CPA4: variants seen among roughly 807,000 people sequenced by gnomAD.
The protein encoded by CPA4 is carboxypeptidase A3.
Under a neutral mutation model 54.7 loss-of-function variants are expected in CPA4, and 49 were observed. That is an observed-to-expected ratio of 0.90 (90% CI 0.71 to 1.14). CPA4 has a LOEUF of 1.14. Ranked by LOEUF, CPA4 falls within the 50% of genes most tolerant of loss-of-function variation. CPA4 has a pLI of 0.00. For synonymous variants in CPA4, 215 were observed against 206.8 expected (o/e 1.04, Z -0.34); for missense variants, 487 against 525.1 (o/e 0.93, Z 0.71).
At chr7:130,298,979 T>C in intron 2 of CPA4, 152 bp downstream of exon 2, 1 of 636,968 alleles carries the variant, frequency 1.6e-6, no homozygotes, top group Non-Finnish European at 2.8e-6. Flanking sequence ...AGGGGGCTGA[T>C]GGGAGAGAGG....
chr7:130,314,779 T>G (rs1434215679), intron 10 of CPA4, among the ~76,000 whole-genome samples: 1 of 152,218 alleles, frequency 6.6e-6, no homozygotes, highest in Non-Finnish European at 1.5e-5. Context: ...GTTCAGGATG[T>G]ATAATGGGAA....
At chr7:130,312,245 G>A in intron 10 of CPA4, 123 bp downstream of exon 10, 1 of 707,748 alleles carries the variant, frequency 1.4e-6, no homozygotes, top group Non-Finnish European at 2.5e-6. Flanking sequence ...GTTGGTAATA[G>A]ACTGAACTAC....
chr7:130,297,985 G>C (rs1793675890), intron 1 of CPA4, among the ~76,000 whole-genome samples: 1 of 152,194 alleles, frequency 6.6e-6, no homozygotes, highest in Non-Finnish European at 1.5e-5. Flanking sequence ...AAACGACAAA[G>C]GGGACTGAGA....
At chr7:130,315,979 G>A (rs966514394) in intron 10 of CPA4, among the ~76,000 whole-genome samples, 5 of 152,116 alleles carry the variant, frequency 3.3e-5, no homozygotes, top group African/African-American at 1.2e-4. Context: ...TCAGGGTTAG[G>A]TGGGACTAAT....
At chr7:130,307,650 G>T (rs1212785149) in intron 7 of CPA4, among the ~76,000 whole-genome samples, 1 of 129,840 alleles carries the variant, frequency 7.7e-6, no homozygotes, top group East Asian at 2.4e-4. Flanking sequence ...AAAAAAAAAA[G>T]TGTTTTTAAG....
At chr7:130,311,393 G>A (rs1021705032) in intron 9 of CPA4, among the ~76,000 whole-genome samples, 2 of 152,274 alleles carry the variant, frequency 1.3e-5, no homozygotes, top group Admixed American at 1.3e-4. Context: ...CAGAACGTGG[G>A]CCATCAGGAG....
chr7:130,301,613 T>G (rs886298169), intron 4 of CPA4, among the ~76,000 whole-genome samples: 1 of 152,158 alleles, frequency 6.6e-6, no homozygotes, highest in Non-Finnish European at 1.5e-5. Flanking sequence ...TAAATTAGTA[T>G]TCCCCCTGGT....
Position 130,310,909 on chromosome 7 carries a change from G to A in CPA4, c.916G>A (p.Asp306Asn), listed in dbSNP as rs781426403. The A allele has an allele frequency of 2.5e-6, 4 of 1,614,092 alleles. No homozygotes were observed. Among genetic ancestry groups the A allele is most frequent in the East Asian group, 2.2e-5 (1 of 44,880 alleles). The change falls in exon 9 of 11, where the codon GAC (aspartate) becomes AAC (asparagine). Residue 306 changes from aspartate to asparagine, a missense_variant. Coordinates refer to ENST00000222482, the MANE Select transcript of CPA4 (RefSeq NM_016352.4). This position sits in a 1 kb window ranked among gnomAD's most constrained non-coding sequence, Gnocchi z 4.3. ...QKHGNFKGFI[D>N]LHSYSQLLMY... ...ACATGGGAATTTCAAGGGCTTCATC[G>A]ACCTGCACAGCTACTCGCAGCTGCT...
intron 10 of CPA4, among the ~76,000 whole-genome samples, chr7:130,316,620 G>C (rs1254387540): frequency 3.3e-5 from 5 of 152,154 alleles, no homozygotes; most frequent in African/African-American, 9.7e-5. Flanking sequence ...TTAGATCAGA[G>C]CATGAGTGTT....
At chr7:130,293,810 G>T (rs1793607773) in intron 1 of CPA4, among the ~76,000 whole-genome samples, 1 of 152,134 alleles carries the variant, frequency 6.6e-6, no homozygotes, top group Admixed American at 6.5e-5. Flanking sequence ...CTGGGACGTG[G>T]AGATTTCACA....
In CPA4 at chr7:130,310,103, A is replaced by G. The variant is rs1247690082; in HGVS notation, c.794-684A>G. On this transcript the variant is annotated intron_variant, in intron 8 of 10. Coordinates refer to ENST00000222482, the MANE Select transcript of CPA4 (RefSeq NM_016352.4). The surrounding 1 kb of genome is among the most constrained non-coding windows in gnomAD (Gnocchi z 4.3). ...TTTTTAATGTGCTTCTTTTACTTGT[A>G]TAGAAATACCACACAAACCATTGGG... Among the ~76,000 whole-genome samples, 2 of 152,282 alleles carry G rather than the reference A, an allele frequency of 1.3e-5. No individual in the cohort carries two copies. The highest frequency in any genetic ancestry group is 1.9e-4 in the East Asian group (1 of 5,182).
Position 130,323,947 on chromosome 7 carries a change from G to C in CPA4, c.*1271G>C, listed in dbSNP as rs1183545670. 1 of 152,174 alleles carries C rather than the reference G, an allele frequency of 6.6e-6. No homozygotes were observed. Among genetic ancestry groups the C allele is most frequent in the Non-Finnish European group, 1.5e-5 (1 of 68,426 alleles). 9.4% of individuals were successfully genotyped at this position (152,174 alleles called of 1,614,324 possible). ...TGTGTGTGTGTGTGTTTGTGTGTGT[G>C]TGTCTGTCTATTTTGTATCCTGGAC... On this transcript the variant is annotated 3_prime_UTR_variant, in exon 11 of 11. Transcript: ENST00000222482.
intron 6 of CPA4, chr7:130,306,266 G>A (rs1389810608): frequency 3.3e-6 from 1 of 304,768 alleles, no homozygotes; most frequent in African/African-American, 2.2e-5. Context: ...AAGGCTGCTG[G>A]GAGGGCAGCA....
intron 9 of CPA4, among the ~76,000 whole-genome samples, chr7:130,311,669 G>A (rs924199134): frequency 3.3e-5 from 5 of 152,092 alleles, no homozygotes; most frequent in Admixed American, 1.3e-4. Context: ...TGTGCATGAC[G>A]TCTCCCTTCT....
At chr7:130,301,503 G>T (rs1793737591) in intron 4 of CPA4, among the ~76,000 whole-genome samples, 2 of 152,136 alleles carry the variant, frequency 1.3e-5, no homozygotes, top group Admixed American at 1.3e-4. Flanking sequence ...AGAGGCTGTA[G>T]AATAGAACTG....
intron 1 of CPA4, chr7:130,293,665 G>A (rs1402991849): frequency 5.0e-6 from 1 of 198,594 alleles, no homozygotes; most frequent in African/African-American, 2.4e-5. Flanking sequence ...GGAAACCCTG[G>A]GTCTCAAGCT....
chr7:130,309,945 T>C (rs1242767677), intron 8 of CPA4, among the ~76,000 whole-genome samples: 1 of 152,184 alleles, frequency 6.6e-6, no homozygotes, highest in African/African-American at 2.4e-5. Context: ...TTTGTATTTT[T>C]TTGTGAAGAT....
chr7:130,305,956 G>C, intron 6 of CPA4, 36 bp downstream of exon 6: 1 of 1,537,086 alleles, frequency 6.5e-7, no homozygotes, highest in Non-Finnish European at 9.0e-7. Context: ...AATGCTGATG[G>C]TGCCGGGGTG....
At position 130,322,662 on chromosome 7, in the gene CPA4, G is replaced by A. The variant is rs1794133962; in HGVS notation, c.1252G>A (p.Asp418Asn). ...GLKTIMEHVRDNLY is the reference protein window; with the variant it reads ...GLKTIMEHVRNNLY ...GAAGACCATCATGGAGCATGTGCGG[G>A]ACAACCTCTACTAGGCGATGGCTCT... Residue 418 changes from aspartate (D) to asparagine (N), a missense_variant, in exon 11 of 11, where the codon GAC becomes AAC. Physicochemically the swap from Asp to Asn is conservative, Grantham distance 23 (BLOSUM62 1). Transcript: ENST00000222482. 6.2e-7 allele frequency: 1 copy of A among 1,613,830 alleles called. No homozygotes were observed. The highest frequency in any genetic ancestry group is 8.5e-7 in the Non-Finnish European group (1 of 1,179,872).
Sources: allele counts gnomAD v4.1 joint callset (sites outside exome capture counted in the v4.1 genomes callset), GRCh38; gene constraint gnomAD v4.1.1; non-coding constraint Gnocchi (gnomAD v3.1); transcripts MANE v1.5; gene names NCBI Gene and HGNC (gene_info 2026-07-23, HGNC 2026-07-21).